The following TRPS1 variants were observed in gnomAD, a reference collection of about 807,000 sequenced individuals.
TRPS1 encodes zinc finger transcription factor Trps1.
TRPS1 carries 6 observed loss-of-function variants against 101.2 expected under a neutral mutation model. That is an observed-to-expected ratio of 0.06 (90% confidence interval 0.03 to 0.12). The LOEUF is 0.12. Ranked by LOEUF, TRPS1 falls within the 10% of genes least tolerant of loss-of-function variation. The pLI is 1.00. For synonymous variants in TRPS1, 578 were observed against 589.8 expected (o/e 0.98, Z 0.29); for missense variants, 1,363 against 1,567.0 (o/e 0.87, Z 2.20).
chr8:115,640,269 A>G (rs1432059411), intron 1 of TRPS1, among the ~76,000 whole-genome samples: 1 of 152,144 alleles, frequency 6.6e-6, no homozygotes, highest in East Asian at 1.9e-4. Context: ...ATATCCATCT[A>G]TATGTTAATT....
chr8:115,443,597 CCTATGACA>C (rs1813661544), intron 5 of TRPS1, among the ~76,000 whole-genome samples: 2 of 152,266 alleles, frequency 1.3e-5, no homozygotes, highest in East Asian at 3.9e-4. Context: ...TCAAATCCTG[CCTATGACA>C]CTAACTAGCC....
intron 1 of TRPS1, among the ~76,000 whole-genome samples, chr8:115,630,371 C>A (rs1025229616): frequency 1.3e-5 from 2 of 151,714 alleles, no homozygotes; most frequent in African/African-American, 4.8e-5. Flanking sequence ...ATACACAGAG[C>A]CATACACACA....
At chr8:115,421,608 G>C (rs560987787) in intron 5 of TRPS1, among the ~76,000 whole-genome samples, 1 of 152,112 alleles carries the variant, frequency 6.6e-6, no homozygotes, top group African/African-American at 2.4e-5. Context: ...GTGGGAGGTA[G>C]GTGAGAAATT....
intron 5 of TRPS1, among the ~76,000 whole-genome samples, chr8:115,522,760 T>C (rs1586361230): frequency 6.6e-6 from 1 of 152,128 alleles, no homozygotes; most frequent in African/African-American, 2.4e-5. Context: ...AAATAATACA[T>C]TGGTCTTACA....
At chr8:115,432,442 C>T (rs1586267937) in intron 5 of TRPS1, among the ~76,000 whole-genome samples, 1 of 144,750 alleles carries the variant, frequency 6.9e-6, no homozygotes. Context: ...TGTAGATATA[C>T]ACACATACAC....
intron 5 of TRPS1, among the ~76,000 whole-genome samples, chr8:115,553,166 C>T (rs899333899): frequency 6.6e-6 from 1 of 151,910 alleles, no homozygotes; most frequent in Admixed American, 6.6e-5. Flanking sequence ...TTATACATAA[C>T]ATTATATAAA....
chr8:115,566,057 C>T (rs1817060318), intron 5 of TRPS1, among the ~76,000 whole-genome samples: 1 of 152,088 alleles, frequency 6.6e-6, no homozygotes, highest in Non-Finnish European at 1.5e-5. Context: ...TGGCCATATC[C>T]TATTTTAAAG....
At chr8:115,523,415 AT>A (rs1815916747) in intron 5 of TRPS1, among the ~76,000 whole-genome samples, 1 of 152,148 alleles carries the variant, frequency 6.6e-6, no homozygotes, top group African/African-American at 2.4e-5. Context: ...ATGTGGGTAC[AT>A]GTGAAAGTTT....
rs528464321 is a variant in TRPS1 at position 115,446,309 on chromosome 8, A to G, written c.2701-27857T>C. On this transcript the variant is annotated intron_variant, in intron 5 of 6. Transcript: ENST00000395715. The stretch of plus-strand genomic sequence containing the variant: ...ATTACTCTTCGCTTCCACCATCAAA[A>G]AAATATTTTTTTTTCCTGTCAGACA... 2.0e-5 allele frequency among the ~76,000 whole-genome samples: 3 copies of G among 149,564 alleles called. No homozygotes were observed. The South Asian group carries it at 6.4e-4, about 32-fold the overall frequency.
chr8:115,465,280 C>T (rs1261748799), intron 5 of TRPS1, among the ~76,000 whole-genome samples: 1 of 152,002 alleles, frequency 6.6e-6, no homozygotes, highest in Non-Finnish European at 1.5e-5. Context: ...AAGAAATTCC[C>T]AATGCTTTTA....
intron 5 of TRPS1, among the ~76,000 whole-genome samples, chr8:115,513,688 A>G (rs1174810640): frequency 2.9e-5 from 2 of 69,116 alleles, no homozygotes; most frequent in African/African-American, 5.8e-5. Flanking sequence ...CTCAAAGACT[A>G]AAACATTTAC....
chr8:115,595,947 C>T (rs1817774751), intron 4 of TRPS1, among the ~76,000 whole-genome samples: 1 of 151,704 alleles, frequency 6.6e-6, no homozygotes, highest in Non-Finnish European at 1.5e-5. Flanking sequence ...TCTAATTGAA[C>T]TATCATGTTT....
intron 1 of TRPS1, among the ~76,000 whole-genome samples, chr8:115,630,467 G>A (rs139149350): frequency 6.6e-6 from 1 of 151,872 alleles, no homozygotes; most frequent in Non-Finnish European, 1.5e-5. Context: ...TATCATAACA[G>A]AGTAAGGGAA....
At chr8:115,496,779 T>C (rs1037428546) in intron 5 of TRPS1, among the ~76,000 whole-genome samples, 2 of 152,212 alleles carry the variant, frequency 1.3e-5, no homozygotes, top group Non-Finnish European at 2.9e-5. Flanking sequence ...TAGTAGTCTA[T>C]ACCGTGAAGT....
In TRPS1 at chr8:115,638,470, A is replaced by T. The variant is rs540182092; in HGVS notation, c.-121-14712T>A. On this transcript the variant is annotated intron_variant, in intron 1 of 6. Coordinates refer to ENST00000395715, the MANE Select transcript of TRPS1 (RefSeq NM_014112.5). Reference sequence around the variant, plus strand: ...ATGAAGGTACCTTTGGGCAGAAGCCAACACTGCCTTTAAGGCCCCAAAAAT... The same window carrying T: ...ATGAAGGTACCTTTGGGCAGAAGCCTACACTGCCTTTAAGGCCCCAAAAAT... Among the ~76,000 whole-genome samples the T allele has an allele frequency of 1.1e-4, 16 of 152,330 alleles. No homozygotes were observed. In the South Asian group the frequency reaches 3.3e-3, roughly 32 times the overall value.
chr8:115,483,912 A>T (rs1430781550), intron 5 of TRPS1, among the ~76,000 whole-genome samples: 2 of 152,236 alleles, frequency 1.3e-5, no homozygotes, highest in African/African-American at 4.8e-5. Flanking sequence ...TTTTCTCCAG[A>T]CAGGATACTA....
chr8:115,502,478 G>C (rs1815342424), intron 5 of TRPS1, among the ~76,000 whole-genome samples: 1 of 152,138 alleles, frequency 6.6e-6, no homozygotes, highest in South Asian at 2.1e-4. Flanking sequence ...ACAGAAATGT[G>C]GACATTTGTA....
At chr8:115,459,346 AATG>A (rs1814108979) in intron 5 of TRPS1, among the ~76,000 whole-genome samples, 2 of 151,716 alleles carry the variant, frequency 1.3e-5, no homozygotes, top group Non-Finnish European at 2.9e-5. Flanking sequence ...TAATAATAAT[AATG>A]ATGTTACCTT....
chr8:115,468,001 G>A (rs1293339509), intron 5 of TRPS1, among the ~76,000 whole-genome samples: 4 of 152,084 alleles, frequency 2.6e-5, no homozygotes, highest in South Asian at 2.1e-4. Context: ...TAGATTTTTC[G>A]TGCCTACAGA....
Sources: gnomAD v4.1 joint callset for allele counts (sites outside exome capture counted in the v4.1 genomes callset) on GRCh38, gnomAD v4.1.1 for gene constraint, MANE v1.5 for transcripts, NCBI Gene and HGNC (gene_info 2026-07-23, HGNC 2026-07-21) for gene names.